The following LILRB1 variants were observed in gnomAD, a reference collection of about 807,000 sequenced individuals.
The protein encoded by LILRB1 is leukocyte immunoglobulin like receptor B1.
A neutral mutation model predicts 74.6 loss-of-function variants in LILRB1; 59 were observed. The observed-to-expected ratio is 0.79, with a 90% CI of 0.64 to 0.98. LILRB1 has a LOEUF of 0.98. LILRB1 is among the 50% of genes least tolerant of loss of function. The pLI is 0.00. For missense variants in LILRB1, 804 were observed against 822.6 expected (o/e 0.98, Z 0.28); for synonymous variants, 328 against 333.9 (o/e 0.98, Z 0.19).
In LILRB1 at chr19:54,631,743, C is replaced by T. The variant is rs1568583987; in HGVS notation, c.314C>T (p.Ala105Val). ...CGCTGTTACTATGGTAGCGACACTGCAGGCCGCTCAGAGAGCAGTGACCCC... is the reference window on the plus strand; with the variant it reads ...CGCTGTTACTATGGTAGCGACACTGTAGGCCGCTCAGAGAGCAGTGACCCC... ...RYRCYYGSDT[A>V]GRSESSDPLE... The change falls in exon 4 of 15, where the codon GCA becomes GTA. Residue 105 changes from alanine (A) to valine (V), a missense_variant. Coordinates refer to ENST00000324602, the MANE Select transcript of LILRB1 (RefSeq NM_001081637.3). 1 of 1,614,280 alleles carries T rather than the reference C, an allele frequency of 6.2e-7. No individual in the cohort carries two copies. The highest frequency in any genetic ancestry group is 1.3e-5 in the African/African-American group (1 of 75,088).
In LILRB1 at chr19:54,631,519, C is replaced by G. The variant is rs540151068; in HGVS notation, c.90C>G (p.Thr30=). The part of the protein sequence containing the change: ...HVQAGHLPKP[T]LWAEPGSVIT... ...TTCCAGGGCACCTCCCCAAGCCCAC[C>G]CTCTGGGCTGAACCAGGCTCTGTGA... The change falls in exon 4 of 15, where the codon ACC becomes ACG. Residue 30 remains threonine (T), a synonymous_variant. Transcript: ENST00000324602. The G allele has an allele frequency of 6.2e-7, 1 of 1,613,428 alleles. No individual in the cohort carries two copies. Among genetic ancestry groups the G allele is most frequent in the Non-Finnish European group, 8.5e-7 (1 of 1,179,664 alleles).
At position 54,617,589 on chromosome 19, in the gene LILRB1, G is replaced by GTGGTGT. The variant is rs58534340; in HGVS notation, c.-166+240_-166+241insTGGTGT. 3.3e-3 allele frequency among the ~76,000 whole-genome samples: 418 copies of GTGGTGT among 127,460 alleles called. 3 individuals carry two copies. The highest frequency in any genetic ancestry group is 0.012 in the African/African-American group (405 of 33,892). 83.6% of individuals were successfully genotyped at this position (127,460 alleles called of 152,430 possible). A position where few individuals can be genotyped will look rare whatever the true frequency, so the allele number is the denominator to read the frequency against. On this transcript the variant is annotated intron_variant, in intron 1 of 15. Coordinates refer to the LILRB1 transcript ENST00000396331. ...TGTGTGTGTGTGTGTGTGTGTGTGT[G>GTGGTGT]GTGTGTGTGTGTTTAAAAGCCTTTA...
intron 9 of LILRB1, chr19:54,634,246 C>A (rs2064184535): frequency 2.0e-6 from 3 of 1,500,244 alleles, no homozygotes; most frequent in African/African-American, 2.8e-5. Context: ...TCCCAGGGAA[C>A]CTCCCAGACC....
In LILRB1 at chr19:54,631,041, C is replaced by A; in HGVS notation, c.-33C>A. The A allele has an allele frequency of 6.2e-7, 1 of 1,614,258 alleles. No homozygotes were observed. The highest frequency in any genetic ancestry group is 1.7e-4 in the Middle Eastern group (1 of 6,060). On this transcript the variant is annotated 5_prime_UTR_variant, in exon 2 of 15. Coordinates refer to ENST00000324602, the MANE Select transcript of LILRB1 (RefSeq NM_001081637.3). ...ATCCTGCCAGCACCGAGGGCTCATC[C>A]ATCCACAGAGCAGGGCAGTGGGAGG...
rs567000972 is a variant in LILRB1 at position 54,632,922 on chromosome 19, A to G, written c.959-94A>G. On this transcript the variant is annotated intron_variant, in intron 6 of 14. Transcript: ENST00000324602. ...GGAGGGGGAGACTCAGAGAAAACAG[A>G]GACAGAGACACTGAGGGTCCCAGAG... The G allele has an allele frequency of 1.7e-5, 27 of 1,556,342 alleles. No individual in the cohort carries two copies. The African/African-American group carries it at 2.0e-4, about 12-fold the overall frequency.
chr19:54,630,220 T>TC (rs1568575387), upstream of LILRB1, among the ~76,000 whole-genome samples: 2 of 131,880 alleles, frequency 1.5e-5, no homozygotes, highest in South Asian at 2.5e-4. Context: ...TAAATATAAC[T>TC]CCCCCCCAAC....
At position 54,618,108 on chromosome 19, in the gene LILRB1, A is replaced by AAAAAAAAG. The variant is rs369118818; in HGVS notation, c.-166+783_-166+790dup. On this transcript the variant is annotated intron_variant, in intron 1 of 15. Coordinates refer to the LILRB1 transcript ENST00000396331. The stretch of plus-strand genomic sequence containing the variant: ...AGAGTGAGCCCCTGCCTCAAAAAAA[A>AAAAAAAAG]AAAAAAAGAAAAAAAGAAAAAAAGA... Among the ~76,000 whole-genome samples the AAAAAAAAG allele has an allele frequency of 1.2e-4, 18 of 149,560 alleles. No homozygotes were observed. The East Asian group carries it at 2.1e-3, about 18-fold the overall frequency.
At chr19:54,619,869 T>C (rs1216654435) in intron 1 of LILRB1, among the ~76,000 whole-genome samples, 1 of 151,928 alleles carries the variant, frequency 6.6e-6, no homozygotes, top group Non-Finnish European at 1.5e-5. Flanking sequence ...TGAATTCACC[T>C]GATTTTAATA....
chr19:54,631,160 C>G (rs2063802869), intron 2 of LILRB1, 53 bp downstream of exon 2: 1 of 1,613,912 alleles, frequency 6.2e-7, no homozygotes, highest in Non-Finnish European at 8.5e-7. Context: ...CCTCACCCCA[C>G]AGCCAAACTC....
upstream of LILRB1, among the ~76,000 whole-genome samples, chr19:54,616,446 C>T (rs997821558): frequency 5.3e-5 from 8 of 152,028 alleles, no homozygotes; most frequent in African/African-American, 1.2e-4. Flanking sequence ...CACGTGAGGC[C>T]TCAGATAAGA....
Position 54,631,653 on chromosome 19 carries a change from A to G in LILRB1, c.224A>G (p.Gln75Arg). The G allele has an allele frequency of 6.2e-7, 1 of 1,614,280 alleles. No individual in the cohort carries two copies. Among genetic ancestry groups the G allele is most frequent in the Non-Finnish European group, 8.5e-7 (1 of 1,180,042 alleles). ...GCACCCTGGATTACACGGATCCCAC[A>G]GGAGCTTGTGAAGAAGGGCCAGTTC... ...KTAPWITRIP[Q>R]ELVKKGQFPI... is the part of the protein sequence containing the mutation. The change falls in exon 4 of 15, where the codon CAG becomes CGG. Residue 75 changes from glutamine to arginine, a missense_variant. Gln to Arg is a conservative substitution (Grantham distance 43). Transcript: ENST00000324602.
intron 1 of LILRB1, among the ~76,000 whole-genome samples, chr19:54,621,415 C>G (rs920050387): frequency 7.2e-5 from 11 of 152,136 alleles, no homozygotes; most frequent in Middle Eastern, 3.2e-3. Context: ...TTGAATTTCT[C>G]TGATGATTAA....
intron 1 of LILRB1, 124 bp downstream of exon 1, chr19:54,630,757 A>G: frequency 1.4e-6 from 1 of 721,022 alleles, no homozygotes; most frequent in East Asian, 2.7e-5. Context: ...ACAGGAAGGA[A>G]CCAGTTTTAT....
Position 54,630,553 on chromosome 19 carries a change from C to T in LILRB1, c.-129C>T. 1 of 596,082 alleles carries T rather than the reference C, an allele frequency of 1.7e-6. No individual in the cohort carries two copies. The highest frequency in any genetic ancestry group is 3.0e-6 in the Non-Finnish European group (1 of 336,432). 36.9% of individuals were successfully genotyped at this position (596,082 alleles called of 1,614,324 possible). On this transcript the variant is annotated 5_prime_UTR_variant, in exon 1 of 15. Transcript: ENST00000324602. ...CGGCACAGCCAGATGCGAGATGCGT[C>T]TCTGCTGATCTGAGTCTGCCTGCAG...
intron 9 of LILRB1, 83 bp from the exon 10 acceptor site, chr19:54,634,558 A>G: frequency 1.3e-6 from 2 of 1,527,388 alleles, no homozygotes; most frequent in Non-Finnish European, 1.8e-6. Context: ...GAGGTGGTGA[A>G]CAGAAGGTCC....
chr19:54,634,186 A>G (rs1366127484), intron 9 of LILRB1, 165 bp downstream of exon 9: 2 of 1,503,238 alleles, frequency 1.3e-6, no homozygotes, highest in Non-Finnish European at 1.8e-6. Context: ...CGGGTGGGAA[A>G]GTTCCTTTCA....
In LILRB1 at chr19:54,636,529, G is replaced by T. The variant is rs752672185; in HGVS notation, c.1689G>T (p.Thr563=). 1.2e-5 allele frequency: 20 copies of T among 1,611,610 alleles called. No homozygotes were observed. Among genetic ancestry groups the T allele is most frequent in the Non-Finnish European group, 1.7e-5 (20 of 1,179,766 alleles). The change falls in exon 14 of 15, where the codon ACG becomes ACT. Residue 563 remains threonine, a synonymous_variant. Coordinates refer to ENST00000324602, the MANE Select transcript of LILRB1 (RefSeq NM_001081637.3). ...SPHDEDPQAV[T]YAEVKHSRPR... Reference sequence around the variant, plus strand: ...ACGATGAAGACCCCCAGGCAGTGACGTATGCCGAGGTGAAACACTCCAGAC... The same window carrying T: ...ACGATGAAGACCCCCAGGCAGTGACTTATGCCGAGGTGAAACACTCCAGAC...
At position 54,632,577 on chromosome 19, in the gene LILRB1, A is replaced by G. The variant is rs1373493546; in HGVS notation, c.775A>G (p.Lys259Glu). 1.9e-6 allele frequency: 3 copies of G among 1,613,998 alleles called. No individual in the cohort carries two copies. The African/African-American group carries it at 4.0e-5, about 22-fold the overall frequency. The change falls in exon 6 of 15, where the codon AAG becomes GAG. Residue 259 changes from lysine (K) to glutamate (E), a missense_variant. By Grantham distance (56) the Lys-to-Glu change is moderately conservative. Coordinates refer to ENST00000324602, the MANE Select transcript of LILRB1 (RefSeq NM_001081637.3). ...DAGYNRFVLY[K>E]DGERDFLQLA... ...TGGCTACAACAGATTTGTTCTGTATAAGGACGGGGAACGTGACTTCCTTCA... is the reference window on the plus strand; with the variant it reads ...TGGCTACAACAGATTTGTTCTGTATGAGGACGGGGAACGTGACTTCCTTCA...
At chr19:54,635,039 G>A in intron 10 of LILRB1, 65 bp from the exon 11 acceptor site, 1 of 1,274,278 alleles carries the variant, frequency 7.8e-7, no homozygotes, top group Non-Finnish European at 1.1e-6. Context: ...TTACCTTCGA[G>A]CTGTGTGTGC....
Sources: allele counts gnomAD v4.1 joint callset (sites outside exome capture counted in the v4.1 genomes callset), GRCh38; gene constraint gnomAD v4.1.1; transcripts MANE v1.5; gene names NCBI Gene and HGNC (gene_info 2026-07-23, HGNC 2026-07-21).